FILIP1L: variants seen among roughly 807,000 people sequenced by gnomAD.
The protein encoded by FILIP1L is filamin A interacting protein 1 like.
In FILIP1L, 55 loss-of-function variants were observed where a neutral mutation model predicts 96.6. That is an observed-to-expected ratio of 0.57 (90% CI 0.46 to 0.71). The LOEUF is 0.71. Among genes scored for constraint, FILIP1L ranks in the 30% least tolerant of loss-of-function variants. The pLI is 0.00. For synonymous variants in FILIP1L, 467 were observed against 473.9 expected, an observed-to-expected ratio of 0.99 and a Z score of 0.19; for missense variants, 1,304 against 1,321.2, an observed-to-expected ratio of 0.99 and a Z score of 0.20.
intron 4 of FILIP1L, among the ~76,000 whole-genome samples, chr3:99,903,898 T>A (rs944188622): frequency 3.9e-5 from 6 of 152,182 alleles, no homozygotes; most frequent in African/African-American, 1.4e-4. Flanking sequence ...ATGGTACTCA[T>A]TTGTCCTAAA....
chr3:99,950,906 T>C (rs1011946320), intron 1 of FILIP1L, among the ~76,000 whole-genome samples: 2 of 152,062 alleles, frequency 1.3e-5, no homozygotes, highest in Admixed American at 6.6e-5. Context: ...GAGACAGTAG[T>C]AGCTGGAGGG....
At chr3:99,865,815 T>A (rs376889808) in intron 4 of FILIP1L, among the ~76,000 whole-genome samples, 1 of 152,062 alleles carries the variant, frequency 6.6e-6, no homozygotes, top group East Asian at 1.9e-4. Flanking sequence ...TTAAGAATAT[T>A]TATATGTTTT....
At chr3:99,839,823 A>G (rs908545378) in intron 5 of FILIP1L, among the ~76,000 whole-genome samples, 1 of 152,200 alleles carries the variant, frequency 6.6e-6, no homozygotes, top group African/African-American at 2.4e-5. Context: ...TTTGAGGCTT[A>G]TGTTTCATCA....
chr3:100,088,121 G>A (rs1215045455), intron 1 of FILIP1L, among the ~76,000 whole-genome samples: 1 of 152,142 alleles, frequency 6.6e-6, no homozygotes, highest in Non-Finnish European at 1.5e-5. Context: ...ATGAGCCACT[G>A]CACCTGGCTC....
At chr3:100,033,552 T>A (rs2065055459) in intron 1 of FILIP1L, among the ~76,000 whole-genome samples, 1 of 152,218 alleles carries the variant, frequency 6.6e-6, no homozygotes, top group South Asian at 2.1e-4. Flanking sequence ...TTAACTTGCC[T>A]GCACCAAATC....
At chr3:100,057,998 G>A (rs1202959251) in intron 1 of FILIP1L, among the ~76,000 whole-genome samples, 1 of 152,184 alleles carries the variant, frequency 6.6e-6, no homozygotes, top group Non-Finnish European at 1.5e-5. Context: ...CTCTCTGTGA[G>A]GTACTATGCT....
intron 4 of FILIP1L, among the ~76,000 whole-genome samples, chr3:99,873,057 A>G (rs1257321334): frequency 1.3e-5 from 2 of 152,164 alleles, no homozygotes; most frequent in Non-Finnish European, 2.9e-5. Context: ...GACCAGCCAT[A>G]GGAGGTTCTA....
rs1427971086 is a variant in FILIP1L, at chr3:99,924,328, C to G, written c.507G>C (p.Arg169Ser). The change falls in exon 4 of 6, where the codon AGG becomes AGC. Residue 169 changes from arginine (R) to serine (S), a missense_variant. Arg to Ser is a moderately radical substitution (Grantham distance 110). Transcript: ENST00000477258. ...GQLLVAEKSR[R>S]QTILELEEEK... Reference sequence around the variant, plus strand: ...CTTCCTCCAACTCCAATATGGTTTGCCTACGGGATTTTTCTGCCACTAAAA... The same window carrying G: ...CTTCCTCCAACTCCAATATGGTTTGGCTACGGGATTTTTCTGCCACTAAAA... 4.3e-6 allele frequency: 7 copies of G among 1,613,890 alleles called. No homozygotes were observed. The Admixed American group carries it at 8.3e-5, about 19-fold the overall frequency.
chr3:99,995,872 C>A (rs1709663576), intron 1 of FILIP1L, among the ~76,000 whole-genome samples: 1 of 152,198 alleles, frequency 6.6e-6, no homozygotes, highest in African/African-American at 2.4e-5. Flanking sequence ...GCATGGGGAT[C>A]CTGGGCCCAG....
At chr3:100,032,469 G>C (rs2065037095) in intron 1 of FILIP1L, among the ~76,000 whole-genome samples, 1 of 152,200 alleles carries the variant, frequency 6.6e-6, no homozygotes, top group South Asian at 2.1e-4. Context: ...GGTGGTTTCT[G>C]TTATCTGTGA....
At chr3:100,038,926 A>G (rs117397001) in intron 1 of FILIP1L, among the ~76,000 whole-genome samples, 1 of 152,276 alleles carries the variant, frequency 6.6e-6, no homozygotes, top group East Asian at 1.9e-4. Context: ...GAAAGAATGA[A>G]CGTACATGTT....
Position 99,994,898 on chromosome 3 carries a change from C to T in FILIP1L, c.-10-63868G>A, listed in dbSNP as rs138248427. On this transcript the variant is annotated intron_variant, in intron 1 of 5. Coordinates refer to ENST00000477258, the MANE Select transcript of FILIP1L (RefSeq NM_001387850.1). ...CTTCATGATTCAAATTATCTCCCACCGGGTCCCTCCCACAACACATGGGAA... is the reference window on the plus strand; with the variant it reads ...CTTCATGATTCAAATTATCTCCCACTGGGTCCCTCCCACAACACATGGGAA... Among the ~76,000 whole-genome samples the T allele has an allele frequency of 8.4e-4, 128 of 152,220 alleles. 1 individual carries two copies. In the East Asian group the frequency reaches 0.022, roughly 26 times the overall value.
chr3:99,828,981 C>G lies in FILIP1L; in HGVS notation c.*1433G>C, dbSNP rs1266218950. Among the ~76,000 whole-genome samples the G allele has an allele frequency of 6.6e-6, 1 of 151,954 alleles. No individual in the cohort carries two copies. Among genetic ancestry groups the G allele is most frequent in the African/African-American group, 2.4e-5 (1 of 41,330 alleles). On this transcript the variant is annotated 3_prime_UTR_variant, in exon 6 of 6. Transcript: ENST00000477258. ...TGCCCATCATCCCTTTCAATGCTGC[C>G]CAGGCCTCTAGCTCCTTCTCCTCCT... is the stretch of plus-strand genomic sequence containing the variant.
chr3:100,012,132 T>G (rs1710174079), intron 1 of FILIP1L, among the ~76,000 whole-genome samples: 1 of 152,164 alleles, frequency 6.6e-6, no homozygotes, highest in African/African-American at 2.4e-5. Flanking sequence ...AAATGCAAAA[T>G]GAAATATTTG....
At chr3:99,841,265 A>G (rs1170281609) in intron 5 of FILIP1L, among the ~76,000 whole-genome samples, 1 of 152,276 alleles carries the variant, frequency 6.6e-6, no homozygotes. Flanking sequence ...TTGTGTTAAT[A>G]CATTGTACCT....
At chr3:100,043,981 C>T (rs2065243379) in intron 1 of FILIP1L, among the ~76,000 whole-genome samples, 1 of 152,160 alleles carries the variant, frequency 6.6e-6, no homozygotes, top group Non-Finnish European at 1.5e-5. Context: ...GCATGATGTC[C>T]TCCAGTTCCA....
At chr3:100,028,797 A>G (rs1576653571) in intron 1 of FILIP1L, among the ~76,000 whole-genome samples, 1 of 152,284 alleles carries the variant, frequency 6.6e-6, no homozygotes, top group East Asian at 1.9e-4. Context: ...GTTGACTCTG[A>G]TAAGCTATCA....
chr3:100,095,683 G>A (rs188168281), intron 1 of FILIP1L, among the ~76,000 whole-genome samples: 52 of 152,158 alleles, frequency 3.4e-4, no homozygotes, highest in African/African-American at 1.3e-3. Context: ...GGAAAACATT[G>A]GAGAAACTTT....
chr3:100,087,465 T>C (rs147287085), intron 1 of FILIP1L, among the ~76,000 whole-genome samples: 1 of 152,330 alleles, frequency 6.6e-6, no homozygotes, highest in African/African-American at 2.4e-5. Flanking sequence ...TGGTTTTAAT[T>C]TGTATTTCCA....
Sources: gnomAD v4.1 joint callset for allele counts (sites outside exome capture counted in the v4.1 genomes callset) on GRCh38, gnomAD v4.1.1 for gene constraint, MANE v1.5 for transcripts, NCBI Gene and HGNC (gene_info 2026-07-23, HGNC 2026-07-21) for gene names.